TMC5: variants seen among roughly 807,000 people sequenced by gnomAD.
TMC5 encodes the protein transmembrane channel-like protein 5.
TMC5 carries 86 observed loss-of-function variants against 110.5 expected under a neutral mutation model. That is an observed-to-expected ratio of 0.78 (90% CI 0.65 to 0.93). The LOEUF is 0.93. Among genes scored for constraint, TMC5 ranks in the 40% least tolerant of loss-of-function variants. The pLI, the probability that TMC5 is intolerant of heterozygous loss-of-function variation, is 0.00. For synonymous variants in TMC5, 455 were observed against 439.5 expected (o/e 1.04, Z -0.44); for missense variants, 1,144 against 1,222.8 (o/e 0.94, Z 0.96).
intron 4 of TMC5, among the ~76,000 whole-genome samples, chr16:19,447,277 C>T (rs781732063): frequency 3.3e-5 from 5 of 151,966 alleles, no homozygotes; most frequent in Non-Finnish European, 5.9e-5. Context: ...CTTCCCATGC[C>T]GTAAGCTGAA....
At chr16:19,435,206 T>C (rs1394963232) in intron 2 of TMC5, among the ~76,000 whole-genome samples, 2 of 151,624 alleles carry the variant, frequency 1.3e-5, no homozygotes, top group African/African-American at 2.4e-5. Context: ...AATTTAGGAG[T>C]ATAGGCCAGG....
intron 17 of TMC5, 107 bp from the exon 18 acceptor site, chr16:19,490,288 C>A: frequency 1.8e-6 from 2 of 1,134,178 alleles, no homozygotes; most frequent in East Asian, 2.3e-5. Context: ...TTGGATCAGG[C>A]AAGACTTGAT....
intron 5 of TMC5, among the ~76,000 whole-genome samples, chr16:19,456,199 T>C (rs1967865715): frequency 6.8e-6 from 1 of 147,626 alleles, no homozygotes; most frequent in African/African-American, 2.6e-5. Flanking sequence ...ATAGCGAGAC[T>C]CCATCTCAAA....
intron 15 of TMC5, among the ~76,000 whole-genome samples, chr16:19,485,937 G>A (rs1316934943): frequency 3.3e-5 from 5 of 152,186 alleles, no homozygotes; most frequent in Non-Finnish European, 7.3e-5. Context: ...TGAATACCAT[G>A]GGGGAGGAAG....
chr16:19,494,193 T>C (rs1369850565), intron 19 of TMC5, 69 bp from the exon 20 acceptor site: 1 of 1,293,868 alleles, frequency 7.7e-7, no homozygotes, highest in East Asian at 2.4e-5. Context: ...CATCAATTGC[T>C]TTCTCAATTC....
At chr16:19,490,754 CCTT>C (rs1170472557) in intron 18 of TMC5, among the ~76,000 whole-genome samples, 186 bp downstream of exon 18, 1,015 of 53,378 alleles carry the variant, frequency 0.019, 9 homozygotes, top group South Asian at 0.053. Flanking sequence ...TTCCTTCCTT[CCTT>C]CCTTCCCTTC....
chr16:19,485,233 C>T (rs1968711416), intron 15 of TMC5, among the ~76,000 whole-genome samples: 1 of 149,728 alleles, frequency 6.7e-6, no homozygotes, highest in African/African-American at 2.5e-5. Context: ...TCCATTTATT[C>T]TTCTCAAAAA....
chr16:19,499,062 A>T lies in TMC5; in HGVS notation c.*1096A>T, dbSNP rs1420233883. The stretch of plus-strand genomic sequence containing the variant: ...GGCAACAGTGAGACTCTGCCTCAAA[A>T]AAATAAATAAATAAATAAATAAAGT... On this transcript the variant is annotated 3_prime_UTR_variant, in exon 22 of 22. Transcript: ENST00000542583. The T allele has an allele frequency of 2.0e-5, 3 of 151,016 alleles. No individual in the cohort carries two copies. The highest frequency in any genetic ancestry group is 4.4e-5 in the Non-Finnish European group (3 of 67,734). 9.4% of individuals were successfully genotyped at this position (151,016 alleles called of 1,614,324 possible).
intron 9 of TMC5, among the ~76,000 whole-genome samples, chr16:19,468,476 A>AC (rs11444172): frequency 0.058 from 8,737 of 150,244 alleles, 445 homozygotes; most frequent in African/African-American, 0.13. Context: ...ATCTCCCCCG[A>AC]CCCCCCCCAG....
chr16:19,436,000 G>C (rs60928411), intron 2 of TMC5, among the ~76,000 whole-genome samples: 1 of 152,030 alleles, frequency 6.6e-6, no homozygotes, highest in African/African-American at 2.4e-5. Context: ...GGTGGCTCAC[G>C]TCTGTAATCC....
intron 15 of TMC5, 52 bp from the exon 16 acceptor site, chr16:19,486,893 C>T (rs747986824): frequency 9.8e-6 from 15 of 1,522,932 alleles, no homozygotes; most frequent in African/African-American, 5.5e-5. Context: ...AGATTCACCC[C>T]GACTCCTTGT....
intron 1 of TMC5, among the ~76,000 whole-genome samples, chr16:19,427,907 A>G (rs34703505): frequency 6.6e-6 from 1 of 152,174 alleles, no homozygotes; most frequent in Non-Finnish European, 1.5e-5. Context: ...CTTCAAACAG[A>G]ACATCAGCCC....
rs531113902 is a variant in TMC5 at position 19,462,771 on chromosome 16, G to A, written c.1149-509G>A. ...CAAAACTTAGCTGGGCATGGTGGGC[G>A]CCTGTAATCCCAGCTACTCGGGAGG... On this transcript the variant is annotated intron_variant, in intron 6 of 21. Coordinates refer to ENST00000542583, the MANE Select transcript of TMC5 (RefSeq NM_001261841.2). Among the ~76,000 whole-genome samples, 7 of 151,946 alleles carry A rather than the reference G, an allele frequency of 4.6e-5. No individual in the cohort carries two copies. The South Asian group carries it at 6.3e-4, about 14-fold the overall frequency.
At chr16:19,426,567 G>A (rs1327115371) in intron 1 of TMC5, among the ~76,000 whole-genome samples, 2 of 152,066 alleles carry the variant, frequency 1.3e-5, no homozygotes, top group Non-Finnish European at 2.9e-5. Context: ...GAGCCAGGAT[G>A]TGCACCTTGA....
rs866840638 is a variant in TMC5, at chr16:19,418,731, T to G, written c.-308+639T>G. On this transcript the variant is annotated intron_variant, in intron 1 of 21. Transcript: ENST00000542583. ...CCTCTGATAAGTGATTTTTGTGTTTTTTTTTTTTTTTTTCGAGACAATATC... is the reference window on the plus strand; with the variant it reads ...CCTCTGATAAGTGATTTTTGTGTTTGTTTTTTTTTTTTTCGAGACAATATC... Among the ~76,000 whole-genome samples the G allele has an allele frequency of 4.4e-3, 664 of 149,214 alleles. 9 individuals are homozygous for G. Among genetic ancestry groups the G allele is most frequent in the East Asian group, 0.03 (152 of 5,130 alleles).
intron 10 of TMC5, 97 bp from the exon 11 acceptor site, chr16:19,471,991 C>T: frequency 7.9e-7 from 1 of 1,269,936 alleles, no homozygotes; most frequent in Non-Finnish European, 1.1e-6. Flanking sequence ...AAACTCCTGA[C>T]CTCAAGTGAT....
intron 20 of TMC5, among the ~76,000 whole-genome samples, 180 bp downstream of exon 20, chr16:19,494,546 C>T (rs925669183): frequency 2.0e-5 from 3 of 152,180 alleles, no homozygotes; most frequent in Admixed American, 6.5e-5. Context: ...CAGTGGCTCA[C>T]GCCTGTAATC....
intron 1 of TMC5, among the ~76,000 whole-genome samples, chr16:19,423,333 C>T (rs1254411674): frequency 2.0e-5 from 3 of 152,138 alleles, no homozygotes; most frequent in African/African-American, 7.2e-5. Flanking sequence ...TTGTGACAAC[C>T]AAAAGTTTGC....
intron 12 of TMC5, among the ~76,000 whole-genome samples, chr16:19,475,591 C>CTAAGCGT: frequency 6.6e-6 from 1 of 152,262 alleles, no homozygotes; most frequent in Admixed American, 6.5e-5. Flanking sequence ...CACAGACCTC[C>CTAAGCGT]TAAGCGTTCA....
Sources: gnomAD v4.1 joint callset for allele counts (sites outside exome capture counted in the v4.1 genomes callset) on GRCh38, gnomAD v4.1.1 for gene constraint, MANE v1.5 for transcripts, NCBI Gene and HGNC (gene_info 2026-07-23, HGNC 2026-07-21) for gene names.